The following PTPRE variants were observed in gnomAD, a reference collection of about 807,000 sequenced individuals.
PTPRE encodes the protein receptor-type tyrosine-protein phosphatase epsilon.
PTPRE carries 51 observed loss-of-function variants against 102.0 expected under a neutral mutation model. The ratio of observed to expected loss-of-function variants is 0.50; its 90% CI spans 0.40 to 0.63. The LOEUF (loss-of-function observed/expected upper bound fraction) is 0.63, where lower values mean the gene tolerates loss of function less well. Among genes scored for constraint, PTPRE ranks in the 30% least tolerant of loss-of-function variants. The pLI is 0.00. For synonymous variants in PTPRE, 345 were observed against 348.2 expected, an observed-to-expected ratio of 0.99 and a Z score of 0.10; for missense variants, 752 against 915.1, an observed-to-expected ratio of 0.82 and a Z score of 2.30.
intron 8 of PTPRE, 44 bp from the exon 9 acceptor site, chr10:128,061,635 A>C (rs766625185): frequency 3.8e-6 from 6 of 1,564,086 alleles, no homozygotes; most frequent in Non-Finnish European, 2.6e-6. Context: ...CCTTTCAGCA[A>C]AGATAATTCT....
chr10:127,915,469 G>A (rs748559947), intron 1 of PTPRE, among the ~76,000 whole-genome samples: 6 of 152,286 alleles, frequency 3.9e-5, no homozygotes, highest in South Asian at 2.1e-4. Flanking sequence ...GCAGCCCTTC[G>A]TTCAGTGCTT....
chr10:127,907,299 G>GC lies in PTPRE; in HGVS notation c.-34dup, dbSNP rs903328320. The GC allele has an allele frequency of 1.8e-5, 18 of 984,576 alleles. No homozygotes were observed. The highest frequency in any genetic ancestry group is 5.2e-4 in the Middle Eastern group (1 of 1,910). The allele number at this position is 984,576 out of a possible 1,614,324, so 61.0% of individuals were successfully genotyped here. On this transcript the variant is annotated 5_prime_UTR_variant, in exon 1 of 21. The change abolishes the stop of an existing upstream ORF in the 5' untranslated region. Coordinates refer to ENST00000254667, the MANE Select transcript of PTPRE (RefSeq NM_006504.6). The surrounding 1 kb of genome is among the most constrained non-coding windows in gnomAD (Gnocchi z 4.8). ...CAGCGCGATCTGCGCGACCAGACCG[G>GC]CCCCCCCGAGGTGAGCGCGCGTGCG...
At chr10:128,034,333 C>T (rs891570889) in intron 2 of PTPRE, among the ~76,000 whole-genome samples, 4 of 151,940 alleles carry the variant, frequency 2.6e-5, no homozygotes, top group African/African-American at 4.8e-5. Context: ...CCACCCCCCC[C>T]ACCGACACAC....
chr10:128,007,592 C>T (rs963678257), intron 2 of PTPRE, among the ~76,000 whole-genome samples: 3 of 152,350 alleles, frequency 2.0e-5, no homozygotes, highest in South Asian at 2.1e-4. Flanking sequence ...ATAATTCCCA[C>T]GTCTTATGAG....
chr10:127,909,282 G>T (rs183004330), intron 1 of PTPRE, among the ~76,000 whole-genome samples: 1 of 152,136 alleles, frequency 6.6e-6, no homozygotes. Flanking sequence ...TGCAAATCTT[G>T]CCCCCAAACC....
chr10:128,022,859 C>T (rs991253435), intron 2 of PTPRE, among the ~76,000 whole-genome samples: 1 of 152,202 alleles, frequency 6.6e-6, no homozygotes, highest in Non-Finnish European at 1.5e-5. Flanking sequence ...AAAGAAACCG[C>T]CATCGCTGCT....
chr10:128,047,290 T>C (rs573646228), intron 3 of PTPRE, 100 bp from the exon 4 acceptor site: 31 of 1,454,968 alleles, frequency 2.1e-5, no homozygotes, highest in Non-Finnish European at 2.7e-5. Context: ...AAAATATAGT[T>C]TGGGGTTCTG....
chr10:128,073,919 T>A (rs1472092115), intron 17 of PTPRE, among the ~76,000 whole-genome samples: 1 of 152,246 alleles, frequency 6.6e-6, no homozygotes, highest in Non-Finnish European at 1.5e-5. Context: ...GGAACAGCTT[T>A]ATTGTGATAT....
chr10:128,018,656 A>G (rs1845626552), intron 2 of PTPRE, among the ~76,000 whole-genome samples: 1 of 152,212 alleles, frequency 6.6e-6, no homozygotes. Flanking sequence ...CTCTGCGACC[A>G]GGGACCCTCA....
chr10:127,979,635 C>T lies in PTPRE; in HGVS notation c.-30-2639C>T, dbSNP rs144997705. The stretch of plus-strand genomic sequence containing the variant: ...GAGGCTGCAGTGAGCCATGATTGCA[C>T]CGCTGCACAATAAGGCAAGAGTTCA... On this transcript the variant is annotated intron_variant, in intron 1 of 20. Coordinates refer to ENST00000254667, the MANE Select transcript of PTPRE (RefSeq NM_006504.6). Among the ~76,000 whole-genome samples, 805 of 152,294 alleles carry T rather than the reference C, an allele frequency of 5.3e-3. 34 individuals are homozygous for T. Among genetic ancestry groups the T allele is most frequent in the Non-Finnish European group, 7.2e-4 (49 of 68,040 alleles).
At chr10:128,035,092 C>T (rs79267892) in intron 2 of PTPRE, among the ~76,000 whole-genome samples, 1,564 of 152,200 alleles carry the variant, frequency 0.01, 37 homozygotes, top group African/African-American at 0.036. Context: ...AAGTGATCCT[C>T]CCACCTCAGT....
At chr10:128,047,017 G>T (rs532022538) in intron 3 of PTPRE, among the ~76,000 whole-genome samples, 1 of 152,190 alleles carries the variant, frequency 6.6e-6, no homozygotes, top group Admixed American at 6.5e-5. Flanking sequence ...GAGCTACGCC[G>T]AGTCAGCCTC....
In PTPRE at chr10:127,993,521, G is replaced by T. The variant is rs531254637; in HGVS notation, c.-8+11225G>T. Among the ~76,000 whole-genome samples, 4 of 152,224 alleles carry T rather than the reference G, an allele frequency of 2.6e-5. No homozygotes were observed. In the East Asian group the frequency reaches 7.8e-4, roughly 30 times the overall value. ...GAGCCCATTGTCCTGGGATCCCCAG[G>T]GTTCACCCAGCATGCATCGGGTCTC... On this transcript the variant is annotated intron_variant, in intron 2 of 20. Transcript: ENST00000254667.
rs998791631 is a variant in PTPRE at position 128,085,134 on chromosome 10, C to A, written c.*2228C>A. 1.3e-5 allele frequency: 6 copies of A among 456,042 alleles called. No homozygotes were observed. Among genetic ancestry groups the A allele is most frequent in the Non-Finnish European group, 2.6e-5 (6 of 226,794 alleles). 28.2% of individuals were successfully genotyped at this position (456,042 alleles called of 1,614,324 possible). On this transcript the variant is annotated 3_prime_UTR_variant, in exon 21 of 21. Coordinates refer to ENST00000254667, the MANE Select transcript of PTPRE (RefSeq NM_006504.6). ...CTCTCCCCTCCACTGTCCGGGACAGCGTTCGCCCTTTAGCGGGGAGGTCAT... is the reference window on the plus strand; with the variant it reads ...CTCTCCCCTCCACTGTCCGGGACAGAGTTCGCCCTTTAGCGGGGAGGTCAT...
chr10:128,002,729 G>T (rs1854085667), intron 2 of PTPRE, among the ~76,000 whole-genome samples: 2 of 90,982 alleles, frequency 2.2e-5, no homozygotes, highest in South Asian at 3.7e-4. Flanking sequence ...TTGAGACAGG[G>T]TCTTGCTATG....
intron 1 of PTPRE, among the ~76,000 whole-genome samples, chr10:127,935,160 G>T (rs748839219): frequency 1.3e-5 from 2 of 152,112 alleles, no homozygotes; most frequent in Admixed American, 1.3e-4. Flanking sequence ...AGTCTGTCGG[G>T]TGTGGGCTCC....
chr10:128,018,496 T>C (rs930150568), intron 2 of PTPRE, among the ~76,000 whole-genome samples: 4 of 152,208 alleles, frequency 2.6e-5, no homozygotes, highest in South Asian at 2.1e-4. Flanking sequence ...AAATCTATAT[T>C]CGTGAGGCTT....
rs1206127395 is a variant in PTPRE at position 128,015,921 on chromosome 10, G to A, written c.-7-24954G>A. Among the ~76,000 whole-genome samples, 10 of 152,300 alleles carry A rather than the reference G, an allele frequency of 6.6e-5. No individual in the cohort carries two copies. The East Asian group carries it at 7.7e-4, about 12-fold the overall frequency. Reference sequence around the variant, plus strand: ...TGGGCTGCGGTGCCCATGAGAAAGCGGATGGGCCTTGAAGCCTGTGGCACT... The same window carrying A: ...TGGGCTGCGGTGCCCATGAGAAAGCAGATGGGCCTTGAAGCCTGTGGCACT... On this transcript the variant is annotated intron_variant, in intron 2 of 20. Coordinates refer to ENST00000254667, the MANE Select transcript of PTPRE (RefSeq NM_006504.6).
At chr10:127,969,769 T>G (rs1419541174) in intron 1 of PTPRE, among the ~76,000 whole-genome samples, 1 of 152,124 alleles carries the variant, frequency 6.6e-6, no homozygotes, top group African/African-American at 2.4e-5. Flanking sequence ...TGGGGCTCTT[T>G]TCTGTTACAA....
Sources: allele counts gnomAD v4.1 joint callset (sites outside exome capture counted in the v4.1 genomes callset), GRCh38; gene constraint gnomAD v4.1.1; non-coding constraint Gnocchi (gnomAD v3.1); transcripts MANE v1.5; gene names NCBI Gene and HGNC (gene_info 2026-07-23, HGNC 2026-07-21).